The following EPHX4 variants were observed in gnomAD, a reference collection of about 807,000 sequenced individuals.
EPHX4 encodes the protein epoxide hydrolase 4.
EPHX4 carries 31 observed loss-of-function variants against 44.9 expected under a neutral mutation model. The observed-to-expected ratio is 0.69, with a 90% confidence interval of 0.52 to 0.93. EPHX4 has a LOEUF of 0.93. EPHX4 is among the 40% of genes least tolerant of loss of function. The probability of loss-of-function intolerance (pLI) is 0.00; values close to 1 mark genes in which losing one functional copy is unlikely to be tolerated. For missense variants in EPHX4, 373 were observed against 438.1 expected, an observed-to-expected ratio of 0.85 and a Z score of 1.33; for synonymous variants, 151 against 159.7, an observed-to-expected ratio of 0.95 and a Z score of 0.41.
Position 92,052,623 on chromosome 1 carries a change from A to G in EPHX4, c.822A>G (p.Leu274=). The G allele has an allele frequency of 6.2e-7, 1 of 1,611,206 alleles. No homozygotes were observed. The highest frequency in any genetic ancestry group is 1.1e-5 in the South Asian group (1 of 89,914). Residue 274 remains leucine (L), a synonymous_variant, in exon 6 of 7, where the codon TTA becomes TTG. Transcript: ENST00000370383. ...ATGTCTTTTCTCAGCCTGGAGCATTAAGTGGCCCAATTAACCATTACCGAA... is the reference window on the plus strand; with the variant it reads ...ATGTCTTTTCTCAGCCTGGAGCATTGAGTGGCCCAATTAACCATTACCGAA... ...YIYVFSQPGA[L]SGPINHYRNI...
At chr1:92,056,420 C>G (rs2391111) in intron 6 of EPHX4, among the ~76,000 whole-genome samples, 6,451 of 152,040 alleles carry the variant, frequency 0.042, 167 homozygotes, top group African/African-American at 0.071. Flanking sequence ...AAACGTATAA[C>G]AAAACATCAA....
intron 2 of EPHX4, among the ~76,000 whole-genome samples, chr1:92,040,255 A>G (rs1386836767): frequency 3.6e-5 from 5 of 139,716 alleles, no homozygotes; most frequent in Non-Finnish European, 7.5e-5. Flanking sequence ...AGCTCACTGT[A>G]AACTCTGCCG....
intron 5 of EPHX4, 26 bp from the exon 6 acceptor site, chr1:92,052,484 A>T (rs1557885522): frequency 6.4e-7 from 1 of 1,562,470 alleles, no homozygotes; most frequent in East Asian, 2.3e-5. Flanking sequence ...AAAAAGTTTT[A>T]ATTATTGTTT....
intron 2 of EPHX4, among the ~76,000 whole-genome samples, chr1:92,037,689 T>A (rs1194940727): frequency 4.6e-5 from 7 of 152,148 alleles, no homozygotes; most frequent in African/African-American, 1.7e-4. Context: ...AGGAGGAGGA[T>A]AGTCTACATC....
At chr1:92,060,097 G>C (rs1304408861) in intron 6 of EPHX4, among the ~76,000 whole-genome samples, 1 of 151,886 alleles carries the variant, frequency 6.6e-6, no homozygotes, top group Non-Finnish European at 1.5e-5. Context: ...TCATGTTCAT[G>C]AGTGGAAAAC....
chr1:92,052,641 T>C lies in EPHX4; in HGVS notation c.840T>C (p.His280=), dbSNP rs779872353. ...GAGCATTAAGTGGCCCAATTAACCA[T>C]TACCGAAATATCTTCAGGTAAGTAT... ...QPGALSGPIN[H]YRNIFSCLPL... is the part of the protein sequence containing the mutation. Residue 280 remains histidine (H), a synonymous_variant, in exon 6 of 7, where the codon CAT becomes CAC. Transcript: ENST00000370383. 1 of 1,607,184 alleles carries C rather than the reference T, an allele frequency of 6.2e-7. No individual in the cohort carries two copies. The highest frequency in any genetic ancestry group is 8.5e-7 in the Non-Finnish European group (1 of 1,178,262).
chr1:92,057,664 A>G (rs1357908754), intron 6 of EPHX4, among the ~76,000 whole-genome samples: 3 of 152,042 alleles, frequency 2.0e-5, no homozygotes, highest in African/African-American at 7.2e-5. Context: ...CAGTGGTGCA[A>G]TCTCGGCTCA....
At chr1:92,057,453 A>T (rs1224810469) in intron 6 of EPHX4, among the ~76,000 whole-genome samples, 2 of 152,240 alleles carry the variant, frequency 1.3e-5, no homozygotes, top group African/African-American at 4.8e-5. Context: ...TAAGAAAAAC[A>T]TAACTTATCC....
intron 2 of EPHX4, among the ~76,000 whole-genome samples, chr1:92,041,818 A>G (rs1217092768): frequency 1.3e-5 from 2 of 152,166 alleles, no homozygotes; most frequent in South Asian, 2.1e-4. Flanking sequence ...AAGTGGGCCA[A>G]TCACCTGAGG....
At chr1:92,038,952 C>T (rs1196247293) in intron 2 of EPHX4, among the ~76,000 whole-genome samples, 3 of 152,150 alleles carry the variant, frequency 2.0e-5, no homozygotes, top group Non-Finnish European at 4.4e-5. Flanking sequence ...TGCTTTCCCT[C>T]CATTTCTTCA....
At chr1:92,041,933 T>C (rs1688514124) in intron 2 of EPHX4, among the ~76,000 whole-genome samples, 1 of 152,054 alleles carries the variant, frequency 6.6e-6, no homozygotes, top group East Asian at 1.9e-4. Context: ...CCTGTAATCC[T>C]AGCTACTTGG....
intron 3 of EPHX4, 92 bp downstream of exon 3, chr1:92,043,072 T>G: frequency 7.0e-6 from 7 of 1,001,248 alleles, no homozygotes; most frequent in Non-Finnish European, 1.0e-5. Context: ...AGGATGCATA[T>G]TCCATCTACC....
In EPHX4 at chr1:92,048,195, C is replaced by G. The variant is rs186333957; in HGVS notation, c.605-2122C>G. On this transcript the variant is annotated intron_variant, in intron 4 of 6. Transcript: ENST00000370383. ...GTTGAGTTGAATTTTAGATACATAT[C>G]CAACTGACCTATCACTTGGTATAGT... is the stretch of plus-strand genomic sequence containing the variant. Among the ~76,000 whole-genome samples the G allele has an allele frequency of 3.3e-5, 5 of 152,220 alleles. No homozygotes were observed. In the East Asian group the frequency reaches 9.6e-4, roughly 29 times the overall value.
rs1437644896 is a variant in EPHX4, at chr1:92,063,402, T to C, written c.*116T>C. The stretch of plus-strand genomic sequence containing the variant: ...AAAACTGTTTTAATGTGCTTTATCA[T>C]AAATAAATATCCTGACAAATGGTAT... On this transcript the variant is annotated 3_prime_UTR_variant, in exon 7 of 7. Transcript: ENST00000370383. 8 of 734,458 alleles carry C rather than the reference T, an allele frequency of 1.1e-5. No individual in the cohort carries two copies. In the East Asian group the frequency reaches 1.9e-4, roughly 18 times the overall value. The allele number at this position is 734,458 out of a possible 1,614,324, so 45.5% of individuals were successfully genotyped here.
intron 2 of EPHX4, among the ~76,000 whole-genome samples, chr1:92,036,916 T>C (rs1688446168): frequency 6.6e-6 from 1 of 152,018 alleles, no homozygotes; most frequent in South Asian, 2.1e-4. Flanking sequence ...CTGTTACCCA[T>C]TATGAGGTCT....
At chr1:92,052,823 A>G (rs1387463880) in intron 6 of EPHX4, among the ~76,000 whole-genome samples, 165 bp downstream of exon 6, 3 of 152,208 alleles carry the variant, frequency 2.0e-5, no homozygotes, top group Non-Finnish European at 4.4e-5. Context: ...TTTCAAACAT[A>G]TGGAAAAGTA....
chr1:92,057,784 G>A (rs1647402224), intron 6 of EPHX4, among the ~76,000 whole-genome samples: 1 of 152,002 alleles, frequency 6.6e-6, no homozygotes, highest in African/African-American at 2.4e-5. Flanking sequence ...ATTTTTAATA[G>A]AGATGGGGGT....
chr1:92,056,302 T>C (rs545321792), intron 6 of EPHX4, among the ~76,000 whole-genome samples: 3 of 152,258 alleles, frequency 2.0e-5, no homozygotes, highest in African/African-American at 7.2e-5. Context: ...CTAAGCCTCC[T>C]TGGGACTATG....
chr1:92,039,543 G>A (rs1283402007), intron 2 of EPHX4, among the ~76,000 whole-genome samples: 1 of 152,174 alleles, frequency 6.6e-6, no homozygotes, highest in Non-Finnish European at 1.5e-5. Context: ...CACATGTGTT[G>A]ACAGATGAGT....
Sources: allele counts gnomAD v4.1 joint callset (sites outside exome capture counted in the v4.1 genomes callset), GRCh38; gene constraint gnomAD v4.1.1; transcripts MANE v1.5; gene names NCBI Gene and HGNC (gene_info 2026-07-23, HGNC 2026-07-21).